The following XRCC4 variants were observed in gnomAD, a reference collection of about 807,000 sequenced individuals.
XRCC4 encodes the protein X-ray repair cross complementing 4, also known as DNA repair protein XRCC4.
XRCC4 carries 28 observed loss-of-function variants against 39.1 expected under a neutral mutation model. That is an observed-to-expected ratio of 0.72 (90% CI 0.53 to 0.98). XRCC4 has a LOEUF of 0.98. Ranked by LOEUF, XRCC4 falls within the 50% of genes least tolerant of loss-of-function variation. XRCC4 has a pLI of 0.00. For missense variants in XRCC4, 350 were observed against 376.4 expected (o/e 0.93, Z 0.58); for synonymous variants, 123 against 126.4 (o/e 0.97, Z 0.18).
At chr5:83,213,842 A>G (rs1403576830) in intron 6 of XRCC4, among the ~76,000 whole-genome samples, 1 of 152,246 alleles carries the variant, frequency 6.6e-6, no homozygotes, top group Non-Finnish European at 1.5e-5. Context: ...AACCAGCTCC[A>G]TACAGAAAGA....
intron 7 of XRCC4, among the ~76,000 whole-genome samples, chr5:83,300,883 TC>T (rs1755261037): frequency 6.6e-6 from 1 of 152,184 alleles, no homozygotes; most frequent in African/African-American, 2.4e-5. Flanking sequence ...TCCAGGTTCA[TC>T]CATGTCCCCT....
chr5:83,343,119 G>A (rs1363535750), intron 7 of XRCC4, among the ~76,000 whole-genome samples: 2 of 151,302 alleles, frequency 1.3e-5, no homozygotes, highest in Non-Finnish European at 2.9e-5. Flanking sequence ...TGCTTAGGAT[G>A]GATTCTCAAT....
intron 3 of XRCC4, among the ~76,000 whole-genome samples, chr5:83,174,036 C>T (rs1469580690): frequency 6.6e-6 from 1 of 152,136 alleles, no homozygotes; most frequent in African/African-American, 2.4e-5. Flanking sequence ...TACATGTTTA[C>T]TCGGTTTAAA....
At chr5:83,137,277 C>T (rs1044460549) in intron 3 of XRCC4, among the ~76,000 whole-genome samples, 4 of 152,050 alleles carry the variant, frequency 2.6e-5, no homozygotes, top group East Asian at 1.9e-4. Context: ...CAGAAATCTT[C>T]ACTGATGATA....
intron 7 of XRCC4, chr5:83,259,351 G>A (rs1429954652): frequency 6.6e-6 from 1 of 152,156 alleles, no homozygotes; most frequent in Admixed American, 6.5e-5. Flanking sequence ...TAAAGTTTTT[G>A]TTAATTCAGT....
At chr5:83,270,157 G>C (rs1359764508) in intron 7 of XRCC4, among the ~76,000 whole-genome samples, 1 of 152,114 alleles carries the variant, frequency 6.6e-6, no homozygotes, top group African/African-American at 2.4e-5. Context: ...ATCTAATGCT[G>C]CTGCTGATCT....
At chr5:83,276,849 T>G (rs1315937787) in intron 7 of XRCC4, among the ~76,000 whole-genome samples, 1 of 151,546 alleles carries the variant, frequency 6.6e-6, no homozygotes, top group Non-Finnish European at 1.5e-5. Context: ...TGACAGAATC[T>G]TGTTATAATT....
At chr5:83,255,285 A>G (rs773896783) in intron 6 of XRCC4, among the ~76,000 whole-genome samples, 17 of 152,168 alleles carry the variant, frequency 1.1e-4, no homozygotes, top group Non-Finnish European at 2.1e-4. Context: ...ATTTGAAGTA[A>G]GAGAATCTAT....
chr5:83,190,401 A>C (rs1351075609), intron 3 of XRCC4, among the ~76,000 whole-genome samples: 2 of 152,154 alleles, frequency 1.3e-5, no homozygotes, highest in Non-Finnish European at 2.9e-5. Flanking sequence ...ATACAGCTAA[A>C]TTTTTCTCTG....
rs541873201 is a variant in XRCC4, at chr5:83,241,240, C to CAA, written c.746-17273_746-17272dup. On this transcript the variant is annotated intron_variant, in intron 6 of 7. Coordinates refer to ENST00000396027, the MANE Select transcript of XRCC4 (RefSeq NM_003401.5). Reference sequence around the variant, plus strand: ...CCAGGGCAACAAAGTAAGACTCTGTCAAAAAAAAAAAAAAAAAATTCAGTA... The same window carrying CAA: ...CCAGGGCAACAAAGTAAGACTCTGTCAAAAAAAAAAAAAAAAAAAATTCAGTA... Among the ~76,000 whole-genome samples the CAA allele has an allele frequency of 6.1e-3, 371 of 60,888 alleles. 7 individuals carry two copies. The East Asian group carries it at 0.14, about 23-fold the overall frequency. 39.9% of individuals were successfully genotyped at this position (60,888 alleles called of 152,430 possible).
chr5:83,297,708 G>A (rs55855246), intron 7 of XRCC4, among the ~76,000 whole-genome samples: 3,015 of 151,836 alleles, frequency 0.02, 86 homozygotes, highest in African/African-American at 0.069. Flanking sequence ...ATAATAGTAG[G>A]CCTAGTTTTT....
intron 7 of XRCC4, among the ~76,000 whole-genome samples, chr5:83,305,132 T>G (rs938721522): frequency 1.3e-5 from 2 of 152,220 alleles, no homozygotes; most frequent in African/African-American, 4.8e-5. Context: ...CAGTTTTAGA[T>G]TTACAAAAAA....
At chr5:83,298,067 A>G (rs1248279439) in intron 7 of XRCC4, among the ~76,000 whole-genome samples, 6 of 151,996 alleles carry the variant, frequency 3.9e-5, no homozygotes, top group Non-Finnish European at 8.8e-5. Flanking sequence ...TATCATTATC[A>G]TTACCATTTT....
At chr5:83,265,585 T>C (rs1753926167) in intron 7 of XRCC4, among the ~76,000 whole-genome samples, 1 of 152,212 alleles carries the variant, frequency 6.6e-6, no homozygotes, top group South Asian at 2.1e-4. Context: ...CAATAAAGAT[T>C]GATCATATGC....
chr5:83,104,917 G>T lies in XRCC4; in HGVS notation c.-3G>T. 1 of 1,612,466 alleles carries T rather than the reference G, an allele frequency of 6.2e-7. No individual in the cohort carries two copies. The highest frequency in any genetic ancestry group is 8.5e-7 in the Non-Finnish European group (1 of 1,178,902). ...TGTATTCTCCCATTACAGGTATTAA[G>T]AAATGGAGAGAAAAATAAGCAGAAT... On this transcript the variant is annotated 5_prime_UTR_variant, in exon 2 of 8. Transcript: ENST00000396027.
intron 7 of XRCC4, among the ~76,000 whole-genome samples, chr5:83,269,935 T>C (rs751911359): frequency 6.6e-6 from 1 of 152,192 alleles, no homozygotes; most frequent in Non-Finnish European, 1.5e-5. Context: ...TCTTTAATTA[T>C]TACATTGTAA....
At chr5:83,212,519 G>A (rs1320199220) in intron 6 of XRCC4, among the ~76,000 whole-genome samples, 1 of 152,058 alleles carries the variant, frequency 6.6e-6, no homozygotes, top group Non-Finnish European at 1.5e-5. Flanking sequence ...GGACAAAAGA[G>A]AGAGAAAGGT....
At chr5:83,265,708 A>G (rs953969086) in intron 7 of XRCC4, among the ~76,000 whole-genome samples, 9 of 152,186 alleles carry the variant, frequency 5.9e-5, no homozygotes, top group Admixed American at 3.3e-4. Flanking sequence ...TGTATTCTGT[A>G]TTAAACACAG....
At chr5:83,211,454 G>T (rs759101056) in intron 6 of XRCC4, among the ~76,000 whole-genome samples, 2 of 152,214 alleles carry the variant, frequency 1.3e-5, no homozygotes, top group South Asian at 4.1e-4. Flanking sequence ...CATGGTTGGG[G>T]TAAACATATT....
Sources: gnomAD v4.1 joint callset for allele counts (sites outside exome capture counted in the v4.1 genomes callset) on GRCh38, gnomAD v4.1.1 for gene constraint, MANE v1.5 for transcripts, NCBI Gene and HGNC (gene_info 2026-07-23, HGNC 2026-07-21) for gene names.